Variants in ITFG1 observed in about 807,000 individuals in gnomAD.
ITFG1 encodes the protein T-cell immunomodulatory protein.
ITFG1 carries 34 observed loss-of-function variants against 81.8 expected under a neutral mutation model. That is an observed-to-expected ratio of 0.42 (90% confidence interval 0.32 to 0.55). The LOEUF (loss-of-function observed/expected upper bound fraction) is 0.55. ITFG1 is among the 20% of genes least tolerant of loss of function. The pLI is 0.17. For synonymous variants in ITFG1, 285 were observed against 270.6 expected, an observed-to-expected ratio of 1.05 and a Z score of -0.52; for missense variants, 672 against 755.4, an observed-to-expected ratio of 0.89 and a Z score of 1.29.
chr16:47,243,019 T>A (rs1266142294), intron 12 of ITFG1, among the ~76,000 whole-genome samples: 3 of 152,166 alleles, frequency 2.0e-5, no homozygotes, highest in Admixed American at 6.5e-5. Context: ...TATTTAAAAA[T>A]ATATATGTAT....
intron 14 of ITFG1, among the ~76,000 whole-genome samples, chr16:47,162,962 C>A (rs191522761): frequency 6.6e-6 from 1 of 152,236 alleles, no homozygotes; most frequent in East Asian, 1.9e-4. Flanking sequence ...CATGTGCCAC[C>A]AGGCTCGGCT....
intron 8 of ITFG1, among the ~76,000 whole-genome samples, chr16:47,360,066 C>T (rs1167112787): frequency 6.6e-6 from 1 of 152,032 alleles, no homozygotes; most frequent in Non-Finnish European, 1.5e-5. Flanking sequence ...ATGCCTTGTA[C>T]ACAATAAAAA....
intron 13 of ITFG1, among the ~76,000 whole-genome samples, chr16:47,220,137 C>T (rs1349629079): frequency 6.6e-6 from 1 of 152,142 alleles, no homozygotes; most frequent in Non-Finnish European, 1.5e-5. Context: ...AGCTGAAGCT[C>T]ACCTATCATC....
At chr16:47,300,147 T>C (rs1372582811) in intron 10 of ITFG1, among the ~76,000 whole-genome samples, 1 of 152,210 alleles carries the variant, frequency 6.6e-6, no homozygotes, top group Non-Finnish European at 1.5e-5. Flanking sequence ...AGAAAGAGTT[T>C]CATTCACCTT....
chr16:47,241,488 G>C (rs370524764), intron 12 of ITFG1, among the ~76,000 whole-genome samples: 1 of 152,170 alleles, frequency 6.6e-6, no homozygotes, highest in African/African-American at 2.4e-5. Flanking sequence ...AAGTACTGAC[G>C]CATATTATAA....
At chr16:47,178,913 A>G (rs977088706) in intron 14 of ITFG1, among the ~76,000 whole-genome samples, 10 of 152,220 alleles carry the variant, frequency 6.6e-5, no homozygotes, top group African/African-American at 2.2e-4. Flanking sequence ...AAAAGTGGGC[A>G]AAGGATATGA....
At chr16:47,163,954 TACACAC>T (rs796283043) in intron 14 of ITFG1, among the ~76,000 whole-genome samples, 104 of 96,806 alleles carry the variant, frequency 1.1e-3, no homozygotes, top group African/African-American at 1.4e-3. Flanking sequence ...CACACACACA[TACACAC>T]ACACACACAC....
intron 8 of ITFG1, among the ~76,000 whole-genome samples, chr16:47,327,108 C>T (rs1227999772): frequency 1.3e-5 from 2 of 152,010 alleles, no homozygotes; most frequent in African/African-American, 2.4e-5. Flanking sequence ...AACAGCATGG[C>T]ACTGGTACCA....
intron 2 of ITFG1, among the ~76,000 whole-genome samples, chr16:47,457,061 G>A (rs188732505): frequency 6.6e-6 from 1 of 152,256 alleles, no homozygotes; most frequent in East Asian, 1.9e-4. Flanking sequence ...TACTGTCCCA[G>A]CACTTTGGGA....
chr16:47,223,763 C>T (rs1464822520), intron 13 of ITFG1, among the ~76,000 whole-genome samples: 1 of 152,118 alleles, frequency 6.6e-6, no homozygotes, highest in African/African-American at 2.4e-5. Context: ...GACACGTGCA[C>T]ATGTATGTTT....
chr16:47,428,737 G>A (rs1969055065), intron 6 of ITFG1, 67 bp downstream of exon 6: 1 of 915,876 alleles, frequency 1.1e-6, no homozygotes. Flanking sequence ...AATACAAAGT[G>A]TACAGTAAAT....
intron 12 of ITFG1, among the ~76,000 whole-genome samples, chr16:47,248,152 T>A (rs562425231): frequency 2.1e-4 from 32 of 152,360 alleles, no homozygotes; most frequent in African/African-American, 7.7e-4. Context: ...GCTATTACTG[T>A]TTTGTTTATA....
At chr16:47,409,402 A>ATTTTTTTTTTTTTTTTTTT (rs1454105053) in intron 6 of ITFG1, among the ~76,000 whole-genome samples, 1 of 8,780 alleles carries the variant, frequency 1.1e-4, no homozygotes, top group African/African-American at 3.9e-4. Flanking sequence ...ATATATATAT[A>ATTTTTTTTTTTTTTTTTTT]TATTTTTTTT....
At chr16:47,402,799 G>T (rs1968678611) in intron 6 of ITFG1, among the ~76,000 whole-genome samples, 1 of 151,962 alleles carries the variant, frequency 6.6e-6, no homozygotes, top group Non-Finnish European at 1.5e-5. Context: ...CTTTGCATAG[G>T]ACCAAAGAAT....
intron 14 of ITFG1, among the ~76,000 whole-genome samples, chr16:47,184,830 T>C (rs1965188403): frequency 6.6e-6 from 1 of 152,150 alleles, no homozygotes; most frequent in Non-Finnish European, 1.5e-5. Flanking sequence ...AGACACAGAC[T>C]GGCAAATTGG....
At chr16:47,307,156 A>G (rs1174337006) in intron 10 of ITFG1, among the ~76,000 whole-genome samples, 1 of 150,588 alleles carries the variant, frequency 6.6e-6, no homozygotes, top group Non-Finnish European at 1.5e-5. Context: ...GTCTGATGAA[A>G]GAAATTAAAA....
chr16:47,370,390 A>C (rs1009038882), intron 7 of ITFG1, among the ~76,000 whole-genome samples: 1 of 152,182 alleles, frequency 6.6e-6, no homozygotes, highest in Non-Finnish European at 1.5e-5. Flanking sequence ...TAAAAACCCC[A>C]GACCCAGCCA....
At chr16:47,170,309 C>G (rs951154685) in intron 14 of ITFG1, among the ~76,000 whole-genome samples, 2 of 152,080 alleles carry the variant, frequency 1.3e-5, no homozygotes, top group Non-Finnish European at 2.9e-5. Context: ...CCATCTGGTC[C>G]CTGAGTTTTC....
At chr16:47,440,513 G>C (rs975669228) in intron 5 of ITFG1, among the ~76,000 whole-genome samples, 1 of 152,048 alleles carries the variant, frequency 6.6e-6, no homozygotes, top group Admixed American at 6.6e-5. Flanking sequence ...AATCAAACTA[G>C]AACTCAGGAT....
Sources: allele counts gnomAD v4.1 joint callset (sites outside exome capture counted in the v4.1 genomes callset), GRCh38; gene constraint gnomAD v4.1.1; transcripts MANE v1.5; gene names NCBI Gene and HGNC (gene_info 2026-07-23, HGNC 2026-07-21).